Variants in FZD3 observed in about 807,000 individuals in gnomAD.
FZD3 encodes frizzled-3.
A neutral mutation model predicts 60.7 loss-of-function variants in FZD3; 30 were observed. That is an observed-to-expected ratio of 0.49 (90% CI 0.37 to 0.67). The LOEUF is 0.67. FZD3 is among the 30% of genes least tolerant of loss of function. The pLI is 0.00. For synonymous variants in FZD3, 246 were observed against 275.2 expected (o/e 0.89, Z 1.05); for missense variants, 605 against 838.7 (o/e 0.72, Z 3.44).
At chr8:28,526,111 T>C (rs1305111765) in intron 4 of FZD3, among the ~76,000 whole-genome samples, 1 of 152,074 alleles carries the variant, frequency 6.6e-6, no homozygotes, top group Non-Finnish European at 1.5e-5. Flanking sequence ...GATATACAAA[T>C]ATATCCATAG....
chr8:28,517,529 C>A (rs896364681), intron 3 of FZD3, among the ~76,000 whole-genome samples: 7 of 152,156 alleles, frequency 4.6e-5, no homozygotes, highest in African/African-American at 1.7e-4. Flanking sequence ...CTGCCCCGTT[C>A]TTACTGATCT....
chr8:28,524,609 G>A (rs1351204122), intron 4 of FZD3, among the ~76,000 whole-genome samples: 5 of 151,890 alleles, frequency 3.3e-5, no homozygotes, highest in African/African-American at 4.8e-5. Context: ...TTTCCTTCTC[G>A]GATCCTCCTC....
chr8:28,535,884 T>C (rs994074214), intron 5 of FZD3, among the ~76,000 whole-genome samples: 11 of 152,188 alleles, frequency 7.2e-5, no homozygotes, highest in Non-Finnish European at 1.5e-4. Flanking sequence ...TTTTCAAAGA[T>C]TCTTGATATT....
intron 5 of FZD3, among the ~76,000 whole-genome samples, chr8:28,529,445 C>T (rs1045362708): frequency 6.6e-6 from 1 of 152,068 alleles, no homozygotes; most frequent in Non-Finnish European, 1.5e-5. Flanking sequence ...CTGAACTCTT[C>T]GCAAGAAGAA....
Position 28,563,508 on chromosome 8 carries a change from T to C in FZD3, c.*497T>C, listed in dbSNP as rs1394324885. ...AAAAAAGAACTGTGTTTTTAAACTG[T>C]AGGAGAATTTAATAAATCAGCAAGG... is the stretch of plus-strand genomic sequence containing the variant. On this transcript the variant is annotated 3_prime_UTR_variant, in exon 8 of 8. Coordinates refer to ENST00000240093, the MANE Select transcript of FZD3 (RefSeq NM_017412.4). The C allele has an allele frequency of 6.4e-6, 1 of 156,522 alleles. No homozygotes were observed. The highest frequency in any genetic ancestry group is 1.9e-4 in the South Asian group (1 of 5,204). The allele number at this position is 156,522 out of a possible 1,614,324, so 9.7% of individuals were successfully genotyped here.
At chr8:28,494,554 C>T in intron 1 of FZD3, among the ~76,000 whole-genome samples, 1 of 151,954 alleles carries the variant, frequency 6.6e-6, no homozygotes, top group East Asian at 1.9e-4. Context: ...TGGCGGGCTG[C>T]GGAGCGGGGG....
At chr8:28,497,111 A>C (rs1803864333) in intron 1 of FZD3, among the ~76,000 whole-genome samples, 1 of 152,194 alleles carries the variant, frequency 6.6e-6, no homozygotes, top group South Asian at 2.1e-4. Context: ...TTTGATGCCT[A>C]CCATTCGTTT....
intron 5 of FZD3, among the ~76,000 whole-genome samples, chr8:28,538,959 A>G (rs952190281): frequency 6.6e-6 from 1 of 152,000 alleles, no homozygotes; most frequent in African/African-American, 2.4e-5. Context: ...AGTAAGAGAA[A>G]ATAAACATGG....
chr8:28,555,569 T>C (rs1261908385), intron 6 of FZD3, among the ~76,000 whole-genome samples, 169 bp from the exon 7 acceptor site: 1 of 152,194 alleles, frequency 6.6e-6, no homozygotes, highest in Admixed American at 6.5e-5. Flanking sequence ...TTGACATAGA[T>C]TGTTGTTCTA....
chr8:28,509,932 A>G (rs6994066), intron 3 of FZD3, among the ~76,000 whole-genome samples: 1,988 of 152,216 alleles, frequency 0.013, 36 homozygotes, highest in African/African-American at 0.039. Context: ...GCTTTAAATT[A>G]TTTGGGGTTT....
Position 28,569,110 on chromosome 8 carries a change from G to A in FZD3, c.*6099G>A, listed in dbSNP as rs1246967383. The A allele has an allele frequency of 1.3e-5, 2 of 149,732 alleles. No homozygotes were observed. The highest frequency in any genetic ancestry group is 1.5e-5 in the Non-Finnish European group (1 of 67,592). 9.3% of individuals were successfully genotyped at this position (149,732 alleles called of 1,614,324 possible). On this transcript the variant is annotated 3_prime_UTR_variant, in exon 8 of 8. Transcript: ENST00000240093. ...TACTTTATTATTATTGTAGCTTTAA[G>A]GTTTTTTGTTGTATAAGTCAGCTTG...
intron 4 of FZD3, among the ~76,000 whole-genome samples, chr8:28,521,635 T>G (rs1208920046): frequency 6.6e-6 from 1 of 152,214 alleles, no homozygotes; most frequent in Non-Finnish European, 1.5e-5. Flanking sequence ...ATAATCTTTA[T>G]GTTGAATTTG....
chr8:28,513,324 T>G (rs1804337754), intron 3 of FZD3, among the ~76,000 whole-genome samples: 1 of 152,198 alleles, frequency 6.6e-6, no homozygotes, highest in Non-Finnish European at 1.5e-5. Flanking sequence ...AAAGTTTACT[T>G]CCTATAGGAA....
In FZD3 at chr8:28,566,388, C is replaced by T. The variant is rs530030590; in HGVS notation, c.*3377C>T. On this transcript the variant is annotated 3_prime_UTR_variant, in exon 8 of 8. Transcript: ENST00000240093. The stretch of plus-strand genomic sequence containing the variant: ...ATTCTTAGAAGTGAGTAATTAGACT[C>T]CTTTTAGTCTTATGCTGTTAGATCT... 2.6e-5 allele frequency: 4 copies of T among 152,236 alleles called. No individual in the cohort carries two copies. Among genetic ancestry groups the T allele is most frequent in the African/African-American group, 4.8e-5 (2 of 41,558 alleles). The allele number at this position is 152,236 out of a possible 1,614,324, so 9.4% of individuals were successfully genotyped here.
intron 4 of FZD3, among the ~76,000 whole-genome samples, chr8:28,524,484 C>A (rs750931034): frequency 1.3e-5 from 2 of 152,190 alleles, no homozygotes; most frequent in Non-Finnish European, 2.9e-5. Flanking sequence ...TAACTTTAAA[C>A]TTGTATCTCA....
chr8:28,524,544 C>G (rs1051392979), intron 4 of FZD3, among the ~76,000 whole-genome samples: 10 of 152,154 alleles, frequency 6.6e-5, no homozygotes, highest in Admixed American at 6.5e-4. Flanking sequence ...ATGATTCAGT[C>G]CATCATGTAA....
intron 7 of FZD3, among the ~76,000 whole-genome samples, chr8:28,559,793 T>C (rs1318915359): frequency 6.6e-6 from 1 of 152,214 alleles, no homozygotes; most frequent in Non-Finnish European, 1.5e-5. Flanking sequence ...GTGTCAACAC[T>C]ATGTTGTGGT....
At position 28,569,840 on chromosome 8, in the gene FZD3, AAATATG is replaced by A. The variant is rs1156655839; in HGVS notation, c.*6835_*6840del. ...AACGTTTTGTGGTCTTTGTTCTCTT[AAATATG>A]AATATAGCTAGTTAGCCTAAAATTT... On this transcript the variant is annotated 3_prime_UTR_variant, in exon 8 of 8. Transcript: ENST00000240093. The A allele has an allele frequency of 2.0e-5, 3 of 152,242 alleles. No individual in the cohort carries two copies. Among genetic ancestry groups the A allele is most frequent in the Non-Finnish European group, 4.4e-5 (3 of 68,036 alleles). 9.4% of individuals were successfully genotyped at this position (152,242 alleles called of 1,614,324 possible).
chr8:28,528,323 T>C (rs1804773941), intron 5 of FZD3, among the ~76,000 whole-genome samples, 159 bp downstream of exon 5: 1 of 152,200 alleles, frequency 6.6e-6, no homozygotes, highest in African/African-American at 2.4e-5. Context: ...GTAGTAAATA[T>C]GTAATACACA....
Sources: gnomAD v4.1 joint callset for allele counts (sites outside exome capture counted in the v4.1 genomes callset) on GRCh38, gnomAD v4.1.1 for gene constraint, MANE v1.5 for transcripts, NCBI Gene and HGNC (gene_info 2026-07-23, HGNC 2026-07-21) for gene names.